The following ANO2 variants were observed in gnomAD, a reference collection of about 807,000 sequenced individuals.
ANO2 encodes the protein anoctamin 2, also known as anoctamin-2.
Under a neutral mutation model 124.2 loss-of-function variants are expected in ANO2, and 101 were observed. That is an observed-to-expected ratio of 0.81 (90% CI 0.69 to 0.96). ANO2 has a LOEUF of 0.96. Among genes scored for constraint, ANO2 ranks in the 40% least tolerant of loss-of-function variants. The pLI is 0.00. For synonymous variants in ANO2, 486 were observed against 482.5 expected (o/e 1.01, Z -0.09); for missense variants, 1,293 against 1,274.5 (o/e 1.01, Z -0.22).
intron 3 of ANO2, among the ~76,000 whole-genome samples, chr12:5,873,094 AT>A (rs1270294654): frequency 2.0e-5 from 3 of 152,062 alleles, no homozygotes; most frequent in African/African-American, 4.8e-5. Flanking sequence ...TAAATCACTA[AT>A]TTCCATATTG....
intron 19 of ANO2, among the ~76,000 whole-genome samples, chr12:5,611,157 G>T (rs558996828): frequency 6.6e-6 from 1 of 151,384 alleles, no homozygotes; most frequent in African/African-American, 2.4e-5. Flanking sequence ...TTTTAAGAGA[G>T]ATGGGGTGTC....
At position 5,707,767 on chromosome 12, in the gene ANO2, A is replaced by G. The variant is rs532556085; in HGVS notation, c.1545+24753T>C. ...TTCCCCTGGTCTCTCCTTCCTCTGA[A>G]CAGATGGTGTATGTGGAATTTGCAC... is the stretch of plus-strand genomic sequence containing the variant. On this transcript the variant is annotated intron_variant, in intron 14 of 24. Coordinates refer to ENST00000682330, the MANE Select transcript of ANO2 (RefSeq NM_001364791.2). Among the ~76,000 whole-genome samples the G allele has an allele frequency of 2.6e-5, 4 of 152,320 alleles. No homozygotes were observed. In the East Asian group the frequency reaches 7.7e-4, roughly 29 times the overall value.
chr12:5,638,028 G>A (rs544733179), intron 15 of ANO2, among the ~76,000 whole-genome samples: 10 of 151,990 alleles, frequency 6.6e-5, no homozygotes, highest in African/African-American at 2.2e-4. Flanking sequence ...TAAAATCTTA[G>A]CATTTAGGAA....
intron 14 of ANO2, among the ~76,000 whole-genome samples, chr12:5,697,153 G>C (rs1279061735): frequency 6.6e-6 from 1 of 152,048 alleles, no homozygotes; most frequent in Non-Finnish European, 1.5e-5. Flanking sequence ...TGAAAAGGAG[G>C]CTGGGCATGG....
chr12:5,821,246 C>T (rs1953787338), intron 7 of ANO2, among the ~76,000 whole-genome samples: 1 of 152,154 alleles, frequency 6.6e-6, no homozygotes, highest in Admixed American at 6.5e-5. Context: ...TTCTAGGGGT[C>T]CAGTGCTGTG....
intron 6 of ANO2, among the ~76,000 whole-genome samples, chr12:5,830,091 T>C (rs575117752): frequency 5.9e-5 from 9 of 152,286 alleles, no homozygotes; most frequent in Non-Finnish European, 8.8e-5. Flanking sequence ...TTTTTTTCAA[T>C]GCATTGCTTC....
chr12:5,578,459 C>A lies in ANO2; in HGVS notation c.2293G>T (p.Ala765Ser), dbSNP rs751003159. The change falls in exon 21 of 25, where the codon GCC becomes TCC. Residue 765 changes from alanine to serine, a missense_variant. Ala to Ser is a moderately conservative substitution (Grantham distance 99). Transcript: ENST00000682330. ...ACTTCAATGACGTTGTTGAGGAGGG[C>A]AAACACAGGTGCCAGGGGAAAGGAG... The part of the protein sequence containing the change: ...VASFPLAPVF[A>S]LLNNVIEVRL... 6.2e-7 allele frequency: 1 copy of A among 1,613,952 alleles called. No homozygotes were observed. Among genetic ancestry groups the A allele is most frequent in the East Asian group, 2.2e-5 (1 of 44,876 alleles).
chr12:5,827,759 G>A lies in ANO2; in HGVS notation c.892+10C>T, dbSNP rs1169380575. The A allele has an allele frequency of 5.0e-6, 8 of 1,608,856 alleles. No individual in the cohort carries two copies. In the Admixed American group the frequency reaches 1.3e-4, roughly 27 times the overall value. On this transcript the variant is annotated intron_variant, in intron 7 of 24. Coordinates refer to ENST00000682330, the MANE Select transcript of ANO2 (RefSeq NM_001364791.2). The stretch of plus-strand genomic sequence containing the variant: ...CCGTCAGCACCCTGCCCGCGGGCTG[G>A]GGTCCTTACCCATCGTGTTGTTGGC...
At chr12:5,799,037 C>T (rs10744694) in intron 10 of ANO2, among the ~76,000 whole-genome samples, 82,778 of 152,108 alleles carry the variant, frequency 0.54, 23,181 homozygotes, top group African/African-American at 0.67. Flanking sequence ...TCTCTCCTCC[C>T]TTCTAATTTG....
chr12:5,914,475 C>G (rs1040285951), intron 3 of ANO2, among the ~76,000 whole-genome samples: 3 of 152,162 alleles, frequency 2.0e-5, no homozygotes, highest in Admixed American at 1.3e-4. Flanking sequence ...CACCTGATAC[C>G]GAGACAGAGT....
intron 10 of ANO2, among the ~76,000 whole-genome samples, chr12:5,767,987 G>A (rs933029997): frequency 1.3e-5 from 2 of 152,196 alleles, no homozygotes; most frequent in African/African-American, 4.8e-5. Context: ...TATGTGGACT[G>A]TAGGGGGTGC....
intron 14 of ANO2, among the ~76,000 whole-genome samples, chr12:5,728,014 G>A (rs920828191): frequency 1.3e-5 from 2 of 152,080 alleles, no homozygotes. Flanking sequence ...CACCATGTTA[G>A]CCAGGATGGT....
chr12:5,664,886 T>A (rs1391592502), intron 14 of ANO2, among the ~76,000 whole-genome samples: 2 of 152,234 alleles, frequency 1.3e-5, no homozygotes, highest in African/African-American at 4.8e-5. Flanking sequence ...TTTCACTGAT[T>A]ATGATCATCA....
In ANO2 at chr12:5,827,822, T is replaced by C; in HGVS notation, c.841-2A>G. 2.5e-6 allele frequency: 4 copies of C among 1,610,166 alleles called. No homozygotes were observed. The highest frequency in any genetic ancestry group is 3.4e-6 in the Non-Finnish European group (4 of 1,178,418). ...TGTGCGCTTCAGGATCTCGTGCACC[T>C]AAAAGGGGACGACAGCAGAGCTGTG... On this transcript the variant is annotated splice_acceptor_variant, in intron 6 of 24. Transcript: ENST00000682330. LOFTEE classifies it high-confidence loss of function.
chr12:5,894,052 G>A (rs1439624176), intron 3 of ANO2, among the ~76,000 whole-genome samples: 2 of 152,110 alleles, frequency 1.3e-5, no homozygotes, highest in African/African-American at 2.4e-5. Flanking sequence ...CTAGATCCTT[G>A]AGGAATCACA....
At chr12:5,924,558 G>A (rs1209318347) in intron 1 of ANO2, among the ~76,000 whole-genome samples, 1 of 152,186 alleles carries the variant, frequency 6.6e-6, no homozygotes, top group Non-Finnish European at 1.5e-5. Flanking sequence ...TGAAAACTCA[G>A]GACCCCATAT....
intron 11 of ANO2, 73 bp downstream of exon 11, chr12:5,750,763 G>A: frequency 6.1e-6 from 9 of 1,482,912 alleles, no homozygotes; most frequent in Non-Finnish European, 3.7e-6. Context: ...CATGTGAAAT[G>A]TACTTGTACT....
chr12:5,813,629 AT>A (rs1240801429), intron 7 of ANO2, among the ~76,000 whole-genome samples: 1 of 152,090 alleles, frequency 6.6e-6, no homozygotes, highest in African/African-American at 2.4e-5. Context: ...GATGCTCCTT[AT>A]TCTCCATCTT....
Position 5,664,018 on chromosome 12 carries a change from G to A in ANO2, c.1546-16217C>T, listed in dbSNP as rs1591844424. On this transcript the variant is annotated intron_variant, in intron 14 of 24. Transcript: ENST00000682330. ...AGTAGTTGTGATATAGCCATGGCCA[G>A]GATATTATGGAAGCATGGTGGAAGA... Among the ~76,000 whole-genome samples, 4 of 152,314 alleles carry A rather than the reference G, an allele frequency of 2.6e-5. No individual in the cohort carries two copies. The South Asian group carries it at 8.3e-4, about 32-fold the overall frequency.
Sources: gnomAD v4.1 joint callset for allele counts (sites outside exome capture counted in the v4.1 genomes callset) on GRCh38, gnomAD v4.1.1 for gene constraint, MANE v1.5 for transcripts, NCBI Gene and HGNC (gene_info 2026-07-23, HGNC 2026-07-21) for gene names.